MGST1: variants seen among roughly 807,000 people sequenced by gnomAD.
MGST1 encodes glutathione S-transferase 12.
A neutral mutation model predicts 8.9 loss-of-function variants in MGST1; 5 were observed. The ratio of observed to expected loss-of-function variants is 0.56; its 90% CI spans 0.29 to 1.19. The LOEUF is 1.19. Among genes scored for constraint, MGST1 ranks in the 50% most tolerant of loss-of-function variants. MGST1 has a pLI of 0.08. For synonymous variants in MGST1, 54 were observed against 67.8 expected (o/e 0.80, Z 1.00); for missense variants, 182 against 187.4 (o/e 0.97, Z 0.17).
intron 4 of MGST1, among the ~76,000 whole-genome samples, chr12:16,505,930 T>C (rs908343541): frequency 3.3e-5 from 5 of 152,190 alleles, no homozygotes; most frequent in Non-Finnish European, 7.3e-5. Context: ...TCCTTGTCAT[T>C]TGTTGCCATA....
intron 3 of MGST1, among the ~76,000 whole-genome samples, chr12:16,375,786 C>T (rs937731597): frequency 1.3e-4 from 20 of 151,664 alleles, no homozygotes; most frequent in African/African-American, 3.9e-4. Context: ...TTTTTATCTA[C>T]GTCTACTGAA....
chr12:16,368,910 T>A (rs1940239950), downstream of MGST1, among the ~76,000 whole-genome samples: 3 of 152,270 alleles, frequency 2.0e-5, no homozygotes, highest in Middle Eastern at 3.4e-3. Flanking sequence ...CACGAAGAGA[T>A]CTGTATTAGT....
At chr12:16,444,863 C>T (rs1293478091) in intron 4 of MGST1, among the ~76,000 whole-genome samples, 3 of 151,888 alleles carry the variant, frequency 2.0e-5, no homozygotes, top group Non-Finnish European at 2.9e-5. Context: ...TTCAGACAGA[C>T]TCATGGTTAA....
chr12:16,539,899 T>C (rs1043126440), intron 4 of MGST1, among the ~76,000 whole-genome samples: 1 of 152,232 alleles, frequency 6.6e-6, no homozygotes, highest in East Asian at 1.9e-4. Context: ...TGGATTTTAA[T>C]CTGCAACTCC....
chr12:16,550,724 T>C (rs951806695), intron 4 of MGST1: 4 of 153,792 alleles, frequency 2.6e-5, no homozygotes, highest in African/African-American at 9.7e-5. Context: ...TATCTATCTG[T>C]GTATCATTAG....
At chr12:16,534,363 G>A (rs1941741597) in intron 4 of MGST1, among the ~76,000 whole-genome samples, 1 of 152,114 alleles carries the variant, frequency 6.6e-6, no homozygotes, top group Non-Finnish European at 1.5e-5. Flanking sequence ...TCTATAATGG[G>A]CATTTTCCTC....
intron 4 of MGST1, among the ~76,000 whole-genome samples, chr12:16,527,419 T>C (rs892150471): frequency 6.6e-6 from 1 of 152,012 alleles, no homozygotes; most frequent in Admixed American, 6.6e-5. Flanking sequence ...TTTGCAACTC[T>C]GATAGGATAT....
intron 4 of MGST1, among the ~76,000 whole-genome samples, chr12:16,530,938 C>G (rs568485671): frequency 2.0e-5 from 3 of 151,872 alleles, no homozygotes; most frequent in South Asian, 4.2e-4. Context: ...ACAGTGAAGA[C>G]TTGGGAAGTG....
intron 1 of MGST1, among the ~76,000 whole-genome samples, chr12:16,408,689 T>C (rs576799027): frequency 6.6e-6 from 1 of 152,316 alleles, no homozygotes; most frequent in East Asian, 1.9e-4. Context: ...TGGAAAACTT[T>C]TAGCTATTAA....
chr12:16,363,949 C>T lies in MGST1; in HGVS notation c.376C>T (p.Pro126Ser), dbSNP rs146681757. The change falls in exon 4 of 4, where the codon CCC (proline) becomes TCC (serine). Residue 126 changes from proline (P) to serine (S), a missense_variant. By Grantham distance (74) the Pro-to-Ser change is moderately conservative. Coordinates refer to ENST00000396210, the MANE Select transcript of MGST1 (RefSeq NM_020300.5). The surrounding 1 kb of genome is among the most constrained non-coding windows in gnomAD (Gnocchi z 4.6). ...YHTIAYLTPL[P>S]QPNRALSFFV... ...CACCATTGCATATTTGACACCCCTT[C>T]CCCAGCCAAATAGAGCTTTGAGTTT... The T allele has an allele frequency of 5.0e-6, 8 of 1,613,810 alleles. No homozygotes were observed. In the African/African-American group the frequency reaches 9.3e-5, roughly 19 times the overall value.
chr12:16,428,778 G>T (rs1480371746), intron 1 of MGST1, among the ~76,000 whole-genome samples: 1 of 151,920 alleles, frequency 6.6e-6, no homozygotes, highest in African/African-American at 2.4e-5. Flanking sequence ...TTATTTTTAT[G>T]AGGCTTGCTT....
intron 1 of MGST1, among the ~76,000 whole-genome samples, chr12:16,387,126 T>G (rs1428586971): frequency 6.6e-6 from 1 of 152,228 alleles, no homozygotes; most frequent in Admixed American, 6.5e-5. Flanking sequence ...ACAAACTTTA[T>G]AATCTTTATT....
In MGST1 at chr12:16,361,574, CT is replaced by C. The variant is rs1939998146; in HGVS notation, c.222-2220del. ...GGCACTAACGTGAAGGAAGCTGCCG[CT>C]CCAGGAAGGAGTCTGTCGTTGGAGA... On this transcript the variant is annotated intron_variant, in intron 3 of 3. Coordinates refer to ENST00000396210, the MANE Select transcript of MGST1 (RefSeq NM_020300.5). The surrounding 1 kb of genome is among the most constrained non-coding windows in gnomAD (Gnocchi z 4.2). Among the ~76,000 whole-genome samples the C allele has an allele frequency of 6.6e-6, 1 of 152,102 alleles. No homozygotes were observed. Among genetic ancestry groups the C allele is most frequent in the South Asian group, 2.1e-4 (1 of 4,818 alleles).
chr12:16,390,349 A>G (rs1194479129), intron 1 of MGST1, among the ~76,000 whole-genome samples: 1 of 152,204 alleles, frequency 6.6e-6, no homozygotes, highest in African/African-American at 2.4e-5. Context: ...CTATATAGGC[A>G]AACTCATGTC....
intron 4 of MGST1, among the ~76,000 whole-genome samples, chr12:16,454,902 A>G (rs185028): frequency 0.96 from 120,276 of 125,876 alleles, 57,728 homozygotes; most frequent in South Asian, 0.99. Context: ...AAAAAAAAAA[A>G]AAGGAGATGG....
At chr12:16,529,210 C>G (rs1839144279) in intron 4 of MGST1, among the ~76,000 whole-genome samples, 1 of 151,898 alleles carries the variant, frequency 6.6e-6, no homozygotes, top group Non-Finnish European at 1.5e-5. Flanking sequence ...TGGGAAATGA[C>G]TTTCTTCTTT....
In MGST1 at chr12:16,546,037, G is replaced by T. The variant is rs1343867420; in HGVS notation, n.483-43491G>T. On this transcript the variant is annotated intron_variant and non_coding_transcript_variant, in intron 4 of 4. Transcript: ENST00000538857. The surrounding 1 kb of genome is among the most constrained non-coding windows in gnomAD (Gnocchi z 4.7). ...CTTGGGCGAATTAAGTAACCTGGCTGTGCTTTCATTTTAATAGTACCTGTG... is the reference window on the plus strand; with the variant it reads ...CTTGGGCGAATTAAGTAACCTGGCTTTGCTTTCATTTTAATAGTACCTGTG... Among the ~76,000 whole-genome samples the T allele has an allele frequency of 6.6e-6, 1 of 152,086 alleles. No individual in the cohort carries two copies. The highest frequency in any genetic ancestry group is 1.5e-5 in the Non-Finnish European group (1 of 67,980).
At chr12:16,564,014 G>A (rs1942497917) in intron 4 of MGST1, among the ~76,000 whole-genome samples, 1 of 152,066 alleles carries the variant, frequency 6.6e-6, no homozygotes, top group African/African-American at 2.4e-5. Flanking sequence ...CCAAAAGTAG[G>A]CTTATAATGT....
intron 4 of MGST1, among the ~76,000 whole-genome samples, chr12:16,561,175 A>C (rs989320081): frequency 2.0e-5 from 3 of 152,158 alleles, no homozygotes; most frequent in Non-Finnish European, 2.9e-5. Context: ...AACCACTGGA[A>C]TTGTCTAGGA....
Sources: allele counts gnomAD v4.1 joint callset (sites outside exome capture counted in the v4.1 genomes callset), GRCh38; gene constraint gnomAD v4.1.1; non-coding constraint Gnocchi (gnomAD v3.1); transcripts MANE v1.5; gene names NCBI Gene and HGNC (gene_info 2026-07-23, HGNC 2026-07-21).